The following COPG1 variants were observed in gnomAD, a reference collection of about 807,000 sequenced individuals.
COPG1 encodes the protein coat protein complex I subunit gamma 1.
A neutral mutation model predicts 102.8 loss-of-function variants in COPG1; 29 were observed. The ratio of observed to expected loss-of-function variants is 0.28; its 90% CI spans 0.21 to 0.38. The LOEUF is 0.38. COPG1 is among the 10% of genes least tolerant of loss of function. The pLI, the probability that COPG1 is intolerant of heterozygous loss-of-function variation, is 1.00. For synonymous variants in COPG1, 406 were observed against 421.6 expected, an observed-to-expected ratio of 0.96 and a Z score of 0.45; for missense variants, 875 against 1,132.7, an observed-to-expected ratio of 0.77 and a Z score of 3.27.
chr3:129,268,075 C>T (rs1463669959), intron 16 of COPG1, 35 bp downstream of exon 16: 2 of 1,522,510 alleles, frequency 1.3e-6, no homozygotes, highest in Non-Finnish European at 1.8e-6. Context: ...GACTCAGCAC[C>T]TTACTGGAGC....
At position 129,256,097 on chromosome 3, in the gene COPG1, C is replaced by A; in HGVS notation, c.522C>A (p.Val174=). The A allele has an allele frequency of 1.9e-6, 3 of 1,613,914 alleles. No homozygotes were observed. The South Asian group carries it at 3.3e-5, about 18-fold the overall frequency. The part of the protein sequence containing the change: ...LHLLKCSFDV[V]KRWVNEAQEA... Reference sequence around the variant, plus strand: ...TGCTGAAGTGCAGCTTTGACGTGGTCAAGCGCTGGGTGAATGAGGCTCAGG... The same window carrying A: ...TGCTGAAGTGCAGCTTTGACGTGGTAAAGCGCTGGGTGAATGAGGCTCAGG... Residue 174 remains valine (V), a synonymous_variant, in exon 8 of 24, where the codon GTC becomes GTA. Transcript: ENST00000314797.
At position 129,275,368 on chromosome 3, in the gene COPG1, C is replaced by T. The variant is rs1415288949; in HGVS notation, c.2494+76C>T. 9.2e-7 allele frequency: 1 copy of T among 1,086,800 alleles called. No individual in the cohort carries two copies. The highest frequency in any genetic ancestry group is 2.4e-5 in the East Asian group (1 of 41,830). 67.3% of individuals were successfully genotyped at this position (1,086,800 alleles called of 1,614,324 possible). ...GCCACTGGATCCTGGGCTAAGGACT[C>T]CACTGTAAATATGGGGAGTCAAAAT... is the stretch of plus-strand genomic sequence containing the variant. On this transcript the variant is annotated intron_variant, in intron 23 of 23. Transcript: ENST00000314797. This position sits in a 1 kb window ranked among gnomAD's most constrained non-coding sequence, Gnocchi z 5.0.
chr3:129,256,091 C>T lies in COPG1; in HGVS notation c.516C>T (p.Asp172=), dbSNP rs201992320. ...AGCACCTGCTGAAGTGCAGCTTTGACGTGGTCAAGCGCTGGGTGAATGAGG... is the reference window on the plus strand; with the variant it reads ...AGCACCTGCTGAAGTGCAGCTTTGATGTGGTCAAGCGCTGGGTGAATGAGG... The part of the protein sequence containing the change: ...SSLHLLKCSF[D]VVKRWVNEAQ... The change falls in exon 8 of 24, where the codon GAC becomes GAT. Residue 172 remains aspartate (D), a synonymous_variant. Transcript: ENST00000314797. 6.4e-5 allele frequency: 104 copies of T among 1,613,846 alleles called. 1 individual carries two copies. The highest frequency in any genetic ancestry group is 1.9e-4 in the South Asian group (17 of 91,064).
chr3:129,274,761 G>A lies in COPG1; in HGVS notation c.2257-77G>A, dbSNP rs985994326. 4.2e-5 allele frequency: 64 copies of A among 1,506,888 alleles called. 1 individual carries two copies. The East Asian group carries it at 1.4e-3, about 34-fold the overall frequency. 93.3% of individuals were successfully genotyped at this position (1,506,888 alleles called of 1,614,324 possible). A position where few individuals can be genotyped will look rare whatever the true frequency, so the allele number is the denominator to read the frequency against. On this transcript the variant is annotated intron_variant, in intron 21 of 23. Transcript: ENST00000314797. ...GCACCTGTGGAAAGAGTTGCAGGAAGGGATGTGTGGATGAGTTCAGAGCAG... is the reference window on the plus strand; with the variant it reads ...GCACCTGTGGAAAGAGTTGCAGGAAAGGATGTGTGGATGAGTTCAGAGCAG...
At position 129,260,780 on chromosome 3, in the gene COPG1, C is replaced by T. The variant is rs140003662; in HGVS notation, c.1101C>T (p.Phe367=). ...GCCTCATGAAGCAGATCTCCTCCTTCATGTCAGAAATCTCGGATGAATTCA... is the reference window on the plus strand; with the variant it reads ...GCCTCATGAAGCAGATCTCCTCCTTTATGTCAGAAATCTCGGATGAATTCA... ...IDRLMKQISS[F]MSEISDEFKV... is the part of the protein sequence containing the mutation. Residue 367 remains phenylalanine (F), a synonymous_variant, in exon 12 of 24, where the codon TTC becomes TTT. Coordinates refer to ENST00000314797, the MANE Select transcript of COPG1 (RefSeq NM_016128.4). 36 of 1,612,572 alleles carry T rather than the reference C, an allele frequency of 2.2e-5. No individual in the cohort carries two copies. The African/African-American group carries it at 4.5e-4, about 20-fold the overall frequency.
intron 5 of COPG1, 28 bp from the exon 6 acceptor site, chr3:129,254,640 C>T (rs777112673): frequency 1.3e-6 from 2 of 1,592,234 alleles, no homozygotes; most frequent in East Asian, 2.2e-5. Flanking sequence ...AGGCTCTCTG[C>T]ATGCTGACAA....
intron 12 of COPG1, among the ~76,000 whole-genome samples, chr3:129,262,497 C>T (rs1939944781): frequency 6.6e-6 from 1 of 152,034 alleles, no homozygotes; most frequent in Non-Finnish European, 1.5e-5. Context: ...TCATGATCAA[C>T]CCGCCTTGGC....
At chr3:129,249,988 C>T (rs1480504473) in intron 1 of COPG1, among the ~76,000 whole-genome samples, 1 of 150,426 alleles carries the variant, frequency 6.6e-6, no homozygotes, top group African/African-American at 2.4e-5. Flanking sequence ...CCCCCCCAGG[C>T]CTCAATTTAC....
At chr3:129,272,124 G>T in intron 19 of COPG1, 120 bp from the exon 20 acceptor site, 1 of 1,084,716 alleles carries the variant, frequency 9.2e-7, no homozygotes, top group Non-Finnish European at 1.3e-6. Context: ...ACCTGGGGCA[G>T]GGGGACTGGG....
chr3:129,268,803 A>G (rs1940121937), intron 17 of COPG1, 129 bp from the exon 18 acceptor site: 2 of 1,112,802 alleles, frequency 1.8e-6, no homozygotes, highest in South Asian at 1.3e-5. Flanking sequence ...GGGCTCTCTC[A>G]CATGTCTTCT....
At chr3:129,251,731 G>C (rs113033186) in intron 2 of COPG1, among the ~76,000 whole-genome samples, 4 of 150,912 alleles carry the variant, frequency 2.7e-5, no homozygotes, top group African/African-American at 9.8e-5. Context: ...GTGTCAGCCT[G>C]GGGTGGAGTG....
chr3:129,270,655 G>A (rs536546113), intron 18 of COPG1, among the ~76,000 whole-genome samples: 2 of 152,302 alleles, frequency 1.3e-5, no homozygotes, highest in East Asian at 3.9e-4. Flanking sequence ...GCAGAGGGCT[G>A]AAGTGGTCAC....
Position 129,267,971 on chromosome 3 carries a change from C to T in COPG1, c.1579C>T (p.Arg527Ter), listed in dbSNP as rs202034646. 5.0e-6 allele frequency: 8 copies of T among 1,614,058 alleles called. No individual in the cohort carries two copies. The highest frequency in any genetic ancestry group is 2.2e-5 in the East Asian group (1 of 44,864). ...GGATGATGACAATGAAGTAAGGGACCGAGCCACCTTCTACCTAAATGTCCT... is the reference window on the plus strand; with the variant it reads ...GGATGATGACAATGAAGTAAGGGACTGAGCCACCTTCTACCTAAATGTCCT... ...VMDDDNEVRD[R>*]ATFYLNVLEQ... Residue 527 changes from arginine to a stop codon, truncating the protein, a stop_gained, in exon 16 of 24, where the codon CGA becomes TGA. Coordinates refer to ENST00000314797, the MANE Select transcript of COPG1 (RefSeq NM_016128.4). LOFTEE classifies it high-confidence loss of function.
intron 8 of COPG1, 77 bp downstream of exon 8, chr3:129,256,231 T>TG: frequency 1.7e-6 from 2 of 1,201,670 alleles, no homozygotes; most frequent in South Asian, 1.3e-5. Context: ...CATGGACACT[T>TG]GCCACCGAGA....
intron 2 of COPG1, among the ~76,000 whole-genome samples, chr3:129,251,373 A>T (rs1052411886): frequency 2.5e-4 from 23 of 92,664 alleles, no homozygotes; most frequent in African/African-American, 9.6e-4. Flanking sequence ...TATATTTTTT[A>T]TATATATATA....
At chr3:129,253,446 T>C (rs1269402405) in intron 5 of COPG1, among the ~76,000 whole-genome samples, 4 of 152,192 alleles carry the variant, frequency 2.6e-5, no homozygotes, top group Non-Finnish European at 4.4e-5. Context: ...TTAGAAAATA[T>C]TGTCTGTCAG....
intron 7 of COPG1, among the ~76,000 whole-genome samples, chr3:129,255,364 A>G (rs1939787034): frequency 6.6e-6 from 1 of 151,718 alleles, no homozygotes; most frequent in African/African-American, 2.4e-5. Flanking sequence ...TTTTTAGTAG[A>G]GACAGGGTTT....
chr3:129,268,168 A>G, intron 16 of COPG1, 128 bp downstream of exon 16: 1 of 786,980 alleles, frequency 1.3e-6, no homozygotes. Flanking sequence ...TCATGGCATC[A>G]TGGTGACCTC....
intron 12 of COPG1, among the ~76,000 whole-genome samples, chr3:129,261,324 T>C (rs1939921520): frequency 1.3e-5 from 2 of 151,874 alleles, no homozygotes; most frequent in Admixed American, 1.3e-4. Context: ...ACATTTGAGC[T>C]CAAACCTGAA....
Sources: gnomAD v4.1 joint callset for allele counts (sites outside exome capture counted in the v4.1 genomes callset) on GRCh38, gnomAD v4.1.1 for gene constraint, Gnocchi (gnomAD v3.1) non-coding constraint, MANE v1.5 for transcripts, NCBI Gene and HGNC (gene_info 2026-07-23, HGNC 2026-07-21) for gene names.